CACNG8: variants seen among roughly 807,000 people sequenced by gnomAD.
CACNG8 encodes calcium voltage-gated channel auxiliary subunit gamma 8.
A neutral mutation model predicts 26.9 loss-of-function variants in CACNG8; 5 were observed. That is an observed-to-expected ratio of 0.19 (90% CI 0.10 to 0.39). CACNG8 has a LOEUF of 0.39. Among genes scored for constraint, CACNG8 ranks in the 10% least tolerant of loss-of-function variants. CACNG8 has a pLI of 1.00. For synonymous variants in CACNG8, 321 were observed against 296.7 expected (o/e 1.08, Z -0.84); for missense variants, 473 against 609.4 (o/e 0.78, Z 2.36).
intron 1 of CACNG8, among the ~76,000 whole-genome samples, chr19:53,968,144 G>T (rs2069281639): frequency 1.3e-5 from 2 of 151,746 alleles, no homozygotes; most frequent in African/African-American, 4.8e-5. Context: ...GGAGGCCAAG[G>T]CAGGAAGATC....
chr19:53,982,665 T>A lies in CACNG8; in HGVS notation c.1094T>A (p.Phe365Tyr), dbSNP rs2069379616. The change falls in exon 4 of 4, where the codon TTC becomes TAC. Residue 365 changes from phenylalanine to tyrosine, a missense_variant. Coordinates refer to ENST00000270458, the MANE Select transcript of CACNG8 (RefSeq NM_031895.6). The surrounding 1 kb of genome is among the most constrained non-coding windows in gnomAD (Gnocchi z 8.4). ...CGGGACCGCGGGGGGGCGTCCGGCT[T>A]CCTCACGCTGCACAACGCCTTCCCC... 1 of 1,087,824 alleles carries A rather than the reference T, an allele frequency of 9.2e-7. No individual in the cohort carries two copies. The highest frequency in any genetic ancestry group is 1.1e-6 in the Non-Finnish European group (1 of 898,246). The allele number at this position is 1,087,824 out of a possible 1,614,324, so 67.4% of individuals were successfully genotyped here. A position where few individuals can be genotyped will look rare whatever the true frequency, so the allele number is the denominator to read the frequency against.
At chr19:53,970,588 G>A (rs1331919477) in intron 1 of CACNG8, among the ~76,000 whole-genome samples, 2 of 151,034 alleles carry the variant, frequency 1.3e-5, no homozygotes, top group Non-Finnish European at 1.5e-5. Flanking sequence ...TGGCGCCACC[G>A]CACTACAGCC....
intron 3 of CACNG8, 89 bp downstream of exon 3, chr19:53,980,096 G>A: frequency 3.0e-6 from 4 of 1,352,848 alleles, no homozygotes; most frequent in Non-Finnish European, 3.9e-6. Flanking sequence ...GCGCGCGCGC[G>A]CGTGAGTGCA....
chr19:53,975,500 C>T (rs1311964377), intron 1 of CACNG8, among the ~76,000 whole-genome samples: 3 of 152,200 alleles, frequency 2.0e-5, no homozygotes, highest in Non-Finnish European at 2.9e-5. Flanking sequence ...CTGCCTCAGG[C>T]TCCCAAGTAG....
At chr19:53,979,814 C>T in intron 2 of CACNG8, 53 bp from the exon 3 acceptor site, 6 of 1,511,296 alleles carry the variant, frequency 4.0e-6, no homozygotes, top group Non-Finnish European at 5.3e-6. Context: ...CGCAGGCGGC[C>T]GCGTCTGACC....
intron 1 of CACNG8, among the ~76,000 whole-genome samples, chr19:53,969,192 C>T (rs1010926131): frequency 4.4e-4 from 67 of 151,946 alleles, no homozygotes; most frequent in Non-Finnish European, 8.7e-4. Flanking sequence ...TTAGTAGAGA[C>T]GGGGTTTCAC....
rs1438976219 is a variant in CACNG8, at chr19:53,982,013, TCGGGGC to T, written c.509-61_509-56del. 7 of 1,205,990 alleles carry T rather than the reference TCGGGGC, an allele frequency of 5.8e-6. No homozygotes were observed. Among genetic ancestry groups the T allele is most frequent in the Admixed American group, 4.4e-5 (1 of 22,846 alleles). 74.7% of individuals were successfully genotyped at this position (1,205,990 alleles called of 1,614,324 possible). The stretch of plus-strand genomic sequence containing the variant: ...GCCCGCTGGCGCAGGCGGGCAGGGG[TCGGGGC>T]CGGGGGCGGGGGCGGGGCCGGGGGT... On this transcript the variant is annotated intron_variant, in intron 3 of 3. Coordinates refer to ENST00000270458, the MANE Select transcript of CACNG8 (RefSeq NM_031895.6). This position sits in a 1 kb window ranked among gnomAD's most constrained non-coding sequence, Gnocchi z 8.4.
intron 1 of CACNG8, among the ~76,000 whole-genome samples, chr19:53,974,288 T>C (rs8108206): frequency 0.016 from 2,467 of 152,356 alleles, 71 homozygotes; most frequent in African/African-American, 0.055. Flanking sequence ...TATCAGAATT[T>C]GCTTCCCTTT....
At chr19:53,963,527 A>G in intron 1 of CACNG8, 102 bp downstream of exon 1, 3 of 1,191,990 alleles carry the variant, frequency 2.5e-6, no homozygotes, top group Non-Finnish European at 3.3e-6. Context: ...CCCCTTGGGC[A>G]CCCCTCCTCC....
intron 1 of CACNG8, among the ~76,000 whole-genome samples, chr19:53,971,668 C>G (rs1033157082): frequency 6.6e-6 from 1 of 152,224 alleles, no homozygotes. Flanking sequence ...AGCCCCTTTG[C>G]TAGCACTTTG....
Position 53,982,008 on chromosome 19 carries a change from A to AGGGGTCGGGGCCGGGGGC in CACNG8, c.509-67_509-50dup. ...CCTGGGCCCGCTGGCGCAGGCGGGC[A>AGGGGTCGGGGCCGGGGGC]GGGGTCGGGGCCGGGGGCGGGGGCG... On this transcript the variant is annotated intron_variant, in intron 3 of 3. Coordinates refer to ENST00000270458, the MANE Select transcript of CACNG8 (RefSeq NM_031895.6). The surrounding 1 kb of genome is among the most constrained non-coding windows in gnomAD (Gnocchi z 8.4). 1 of 1,188,126 alleles carries AGGGGTCGGGGCCGGGGGC rather than the reference A, an allele frequency of 8.4e-7. No homozygotes were observed. Among genetic ancestry groups the AGGGGTCGGGGCCGGGGGC allele is most frequent in the Non-Finnish European group, 1.0e-6 (1 of 954,636 alleles). The allele number at this position is 1,188,126 out of a possible 1,614,324, so 73.6% of individuals were successfully genotyped here. A position where few individuals can be genotyped will look rare whatever the true frequency, so the allele number is the denominator to read the frequency against.
At chr19:53,969,027 A>G (rs966870483) in intron 1 of CACNG8, among the ~76,000 whole-genome samples, 5 of 152,224 alleles carry the variant, frequency 3.3e-5, no homozygotes, top group South Asian at 2.1e-4. Flanking sequence ...TTTTCGAGAC[A>G]GATTCTTGCT....
At position 53,988,191 on chromosome 19, in the gene CACNG8, A is replaced by G. The variant is rs1230396209; in HGVS notation, c.*5342A>G. 1 of 151,840 alleles carries G rather than the reference A, an allele frequency of 6.6e-6. No individual in the cohort carries two copies. Among genetic ancestry groups the G allele is most frequent in the African/African-American group, 2.4e-5 (1 of 41,074 alleles). 9.4% of individuals were successfully genotyped at this position (151,840 alleles called of 1,614,324 possible). On this transcript the variant is annotated 3_prime_UTR_variant, in exon 4 of 4. Transcript: ENST00000270458. ...ATAAGATAAGATGTCAGTTCAGTGC[A>G]GTGGTGGGGACAGAAGCCCTGCTGG...
At chr19:53,964,437 C>A (rs1488561247) in intron 1 of CACNG8, among the ~76,000 whole-genome samples, 1 of 152,070 alleles carries the variant, frequency 6.6e-6, no homozygotes, top group Non-Finnish European at 1.5e-5. Context: ...GGGTGCCCTC[C>A]AACCTCCCAT....
In CACNG8 at chr19:53,982,305, C is replaced by A; in HGVS notation, c.734C>A (p.Ala245Asp). Residue 245 changes from alanine (A) to aspartate (D), a missense_variant, in exon 4 of 4, where the codon GCC becomes GAC. Physicochemically the swap from Ala to Asp is moderately radical, Grantham distance 126 (BLOSUM62 -2). Around this residue, in one of 6 missense-constraint regions of CACNG8, gnomAD observed 155 missense variants for 253.0 expected, o/e 0.61. Coordinates refer to ENST00000270458, the MANE Select transcript of CACNG8 (RefSeq NM_031895.6). The surrounding 1 kb of genome is among the most constrained non-coding windows in gnomAD (Gnocchi z 8.4). The stretch of plus-strand genomic sequence containing the variant: ...CAGTCTCGCTCGGACCTGCTCAAGG[C>A]CGGCGGGGGCGCGGGCGGCAGTGGC... 1 of 1,601,622 alleles carries A rather than the reference C, an allele frequency of 6.2e-7. No individual in the cohort carries two copies. Among genetic ancestry groups the A allele is most frequent in the Non-Finnish European group, 8.5e-7 (1 of 1,175,354 alleles).
intron 2 of CACNG8, 87 bp from the exon 3 acceptor site, chr19:53,979,780 C>A: frequency 7.1e-7 from 1 of 1,410,878 alleles, no homozygotes; most frequent in Admixed American, 2.3e-5. Context: ...GGAGGCGCCG[C>A]GAGATGGGGG....
intron 1 of CACNG8, among the ~76,000 whole-genome samples, chr19:53,964,284 C>T (rs1023699528): frequency 6.6e-6 from 1 of 151,666 alleles, no homozygotes; most frequent in Non-Finnish European, 1.5e-5. Flanking sequence ...TGTCTCTTTC[C>T]CCTTCTCTTT....
Position 53,989,588 on chromosome 19 carries a change from G to A in CACNG8, c.*6739G>A, listed in dbSNP as rs552287301. On this transcript the variant is annotated 3_prime_UTR_variant, in exon 4 of 4. Transcript: ENST00000270458. ...CTTCTGTCCCATCTCTGCCTTCAGA[G>A]GGGGGGACAGGTAGTCCAGACAATT... is the stretch of plus-strand genomic sequence containing the variant. 11 of 152,246 alleles carry A rather than the reference G, an allele frequency of 7.2e-5. No homozygotes were observed. The highest frequency in any genetic ancestry group is 1.3e-4 in the Non-Finnish European group (9 of 68,048). The allele number at this position is 152,246 out of a possible 1,614,324, so 9.4% of individuals were successfully genotyped here.
intron 1 of CACNG8, among the ~76,000 whole-genome samples, chr19:53,970,020 G>C (rs1223835230): frequency 2.0e-5 from 3 of 148,032 alleles, no homozygotes; most frequent in African/African-American, 5.0e-5. Flanking sequence ...TGTAACCCCA[G>C]GTAATCAGGA....
Sources: allele counts gnomAD v4.1 joint callset (sites outside exome capture counted in the v4.1 genomes callset), GRCh38; gene constraint gnomAD v4.1.1; regional missense constraint gnomAD v4.1.1; non-coding constraint Gnocchi (gnomAD v3.1); transcripts MANE v1.5; gene names NCBI Gene and HGNC (gene_info 2026-07-23, HGNC 2026-07-21).